STARD3NL: variants seen among roughly 807,000 people sequenced by gnomAD.
STARD3NL encodes STARD3 N-terminal-like protein.
Under a neutral mutation model 30.9 loss-of-function variants are expected in STARD3NL, and 17 were observed. The ratio of observed to expected loss-of-function variants is 0.55; its 90% confidence interval spans 0.38 to 0.82. The LOEUF (loss-of-function observed/expected upper bound fraction) is 0.82. Among genes scored for constraint, STARD3NL ranks in the 40% least tolerant of loss-of-function variants. The pLI is 0.00. For missense variants in STARD3NL, 234 were observed against 277.6 expected (o/e 0.84, Z 1.12); for synonymous variants, 112 against 100.5 (o/e 1.11, Z -0.69).
At chr7:38,183,102 C>T (rs1027719903) in intron 1 of STARD3NL, among the ~76,000 whole-genome samples, 1 of 151,984 alleles carries the variant, frequency 6.6e-6, no homozygotes, top group East Asian at 1.9e-4. Context: ...TTTCAAGTAC[C>T]TTTTTCTATT....
chr7:38,183,066 A>G (rs1463389046), intron 1 of STARD3NL, among the ~76,000 whole-genome samples: 1 of 152,220 alleles, frequency 6.6e-6, no homozygotes, highest in African/African-American at 2.4e-5. Context: ...TTAAGCATTT[A>G]TTAAATTAAT....
At position 38,207,645 on chromosome 7, in the gene STARD3NL, C is replaced by A; in HGVS notation, c.141C>A (p.Gly47=). ...CCTATGAAGGAAGGGAAAAGAAAGG[C>A]ATATCTGATGTCAGGAGGACTTTCT... ...IESYEGREKK[G]ISDVRRTFCL... is the part of the protein sequence containing the mutation. Residue 47 remains glycine (G), a synonymous_variant, in exon 2 of 9, where the codon GGC becomes GGA. Transcript: ENST00000009041. 1.2e-6 allele frequency: 2 copies of A among 1,614,126 alleles called. No individual in the cohort carries two copies. The highest frequency in any genetic ancestry group is 1.7e-6 in the Non-Finnish European group (2 of 1,179,970).
intron 1 of STARD3NL, among the ~76,000 whole-genome samples, chr7:38,181,115 G>A (rs1431325038): frequency 6.6e-6 from 1 of 152,138 alleles, no homozygotes; most frequent in African/African-American, 2.4e-5. Context: ...ACAATGAACA[G>A]GTATAAACTT....
chr7:38,229,723 A>G (rs778012509), intron 8 of STARD3NL, among the ~76,000 whole-genome samples, 200 bp from the exon 9 acceptor site: 1 of 152,226 alleles, frequency 6.6e-6, no homozygotes, highest in Non-Finnish European at 1.5e-5. Context: ...GACGCGAAGC[A>G]AAAATGTGGG....
At chr7:38,218,913 C>T (rs1786285604) in intron 6 of STARD3NL, among the ~76,000 whole-genome samples, 1 of 152,212 alleles carries the variant, frequency 6.6e-6, no homozygotes, top group African/African-American at 2.4e-5. Context: ...CTGTATTGCA[C>T]TTTACATCTG....
At chr7:38,213,088 C>G (rs1785900928) in intron 2 of STARD3NL, among the ~76,000 whole-genome samples, 1 of 152,124 alleles carries the variant, frequency 6.6e-6, no homozygotes, top group African/African-American at 2.4e-5. Context: ...TTCCTGTTCT[C>G]CCAGGAATAG....
intron 1 of STARD3NL, among the ~76,000 whole-genome samples, chr7:38,200,703 A>G (rs111581226): frequency 3.3e-5 from 5 of 152,252 alleles, no homozygotes; most frequent in African/African-American, 1.2e-4. Context: ...GGAGTAAGAA[A>G]GATTCTTGAG....
chr7:38,193,002 C>G (rs1487455045), intron 1 of STARD3NL, among the ~76,000 whole-genome samples: 2 of 152,082 alleles, frequency 1.3e-5, no homozygotes, highest in East Asian at 3.9e-4. Context: ...CCTTCCCTCT[C>G]TATGTGTTTC....
chr7:38,199,818 T>C (rs1785092135), intron 1 of STARD3NL, among the ~76,000 whole-genome samples: 1 of 152,196 alleles, frequency 6.6e-6, no homozygotes, highest in Non-Finnish European at 1.5e-5. Context: ...ATGGTTCAGG[T>C]ATTGGGGATT....
chr7:38,230,587 T>C lies in STARD3NL; in HGVS notation c.*682T>C, dbSNP rs1219996821. On this transcript the variant is annotated 3_prime_UTR_variant, in exon 9 of 9. Transcript: ENST00000009041. The stretch of plus-strand genomic sequence containing the variant: ...TTCTGAAATGTTCTAAATACTCTTA[T>C]TTTGAATGCACAAAATGACTTAAAC... The C allele has an allele frequency of 6.6e-6, 1 of 152,246 alleles. No homozygotes were observed. The highest frequency in any genetic ancestry group is 2.4e-5 in the African/African-American group (1 of 41,448). The allele number at this position is 152,246 out of a possible 1,614,324, so 9.4% of individuals were successfully genotyped here. A position where few individuals can be genotyped will look rare whatever the true frequency, so the allele number is the denominator to read the frequency against.
intron 1 of STARD3NL, among the ~76,000 whole-genome samples, chr7:38,205,129 A>C (rs967659215): frequency 5.9e-5 from 9 of 152,242 alleles, no homozygotes; most frequent in Middle Eastern, 3.4e-3. Context: ...CTCCCTAACT[A>C]ATTTTATGAG....
intron 1 of STARD3NL, among the ~76,000 whole-genome samples, chr7:38,181,685 G>A (rs952763318): frequency 9.2e-5 from 14 of 152,134 alleles, no homozygotes; most frequent in African/African-American, 3.4e-4. Flanking sequence ...GCAAAAGAGA[G>A]TTTTTGCTCT....
In STARD3NL at chr7:38,184,784, A is replaced by C. The variant is rs184239806; in HGVS notation, c.-59+6364A>C. ...AACTTGCTCTCAAATAATGCAACAA[A>C]ACAAGCAATAAAGAAAATTATGACT... On this transcript the variant is annotated intron_variant, in intron 1 of 8. Coordinates refer to ENST00000009041, the MANE Select transcript of STARD3NL (RefSeq NM_032016.4). Among the ~76,000 whole-genome samples, 694 of 144,560 alleles carry C rather than the reference A, an allele frequency of 4.8e-3. 8 individuals are homozygous for C. The highest frequency in any genetic ancestry group is 8.3e-3 in the Non-Finnish European group (551 of 66,226). The allele number at this position is 144,560 out of a possible 152,430, so 94.8% of individuals were successfully genotyped here. A position where few individuals can be genotyped will look rare whatever the true frequency, so the allele number is the denominator to read the frequency against.
chr7:38,213,692 A>G (rs1230798762), intron 2 of STARD3NL, among the ~76,000 whole-genome samples: 1 of 152,138 alleles, frequency 6.6e-6, no homozygotes, highest in African/African-American at 2.4e-5. Context: ...CCATAGTTTC[A>G]TTTGTCGAAT....
chr7:38,221,717 T>C lies in STARD3NL; in HGVS notation c.649+2057T>C, dbSNP rs537538237. ...CAAAAGCCTTCAGTAGCATAAAGGA[T>C]AAAGAAATCAGTAGATCTTAGCCTG... On this transcript the variant is annotated intron_variant, in intron 7 of 8. Coordinates refer to ENST00000009041, the MANE Select transcript of STARD3NL (RefSeq NM_032016.4). Among the ~76,000 whole-genome samples the C allele has an allele frequency of 5.2e-4, 79 of 152,342 alleles. 2 individuals carry two copies. Among genetic ancestry groups the C allele is most frequent in the Admixed American group, 5.1e-3 (78 of 15,312 alleles).
At chr7:38,219,288 C>T (rs1786310207) in intron 6 of STARD3NL, among the ~76,000 whole-genome samples, 1 of 152,148 alleles carries the variant, frequency 6.6e-6, no homozygotes, top group Non-Finnish European at 1.5e-5. Context: ...CTCAAGCGAT[C>T]CTCCATCCTT....
intron 1 of STARD3NL, among the ~76,000 whole-genome samples, chr7:38,185,256 C>T (rs1003584091): frequency 6.6e-6 from 1 of 152,090 alleles, no homozygotes; most frequent in African/African-American, 2.4e-5. Flanking sequence ...TTTTTAAAAC[C>T]TAGGCATCAA....
At chr7:38,204,127 A>G (rs1370333783) in intron 1 of STARD3NL, among the ~76,000 whole-genome samples, 2 of 152,244 alleles carry the variant, frequency 1.3e-5, no homozygotes, top group Non-Finnish European at 2.9e-5. Context: ...GCTCTGCACC[A>G]AGCAAACCTA....
At chr7:38,186,341 G>A (rs1359282461) in intron 1 of STARD3NL, among the ~76,000 whole-genome samples, 1 of 152,152 alleles carries the variant, frequency 6.6e-6, no homozygotes, top group African/African-American at 2.4e-5. Flanking sequence ...AGTAGATTTT[G>A]TTATGAGGGA....
Sources: allele counts gnomAD v4.1 joint callset (sites outside exome capture counted in the v4.1 genomes callset), GRCh38; gene constraint gnomAD v4.1.1; transcripts MANE v1.5; gene names NCBI Gene and HGNC (gene_info 2026-07-23, HGNC 2026-07-21).